Variants in MSL2 observed in about 807,000 individuals in gnomAD.
MSL2 encodes the protein MSL complex subunit 2, also known as E3 ubiquitin-protein ligase MSL2.
In MSL2, 2 loss-of-function variants were observed where a neutral mutation model predicts 35.8. The observed-to-expected ratio is 0.06, with a 90% CI of 0.02 to 0.18. The LOEUF (loss-of-function observed/expected upper bound fraction) is 0.18, where lower values mean the gene tolerates loss of function less well. MSL2 is among the 10% of genes least tolerant of loss of function. The pLI, the probability that MSL2 is intolerant of heterozygous loss-of-function variation, is 1.00. For synonymous variants in MSL2, 296 were observed against 255.7 expected, an observed-to-expected ratio of 1.16 and a Z score of -1.50; for missense variants, 523 against 706.7, an observed-to-expected ratio of 0.74 and a Z score of 2.95.
chr3:136,192,378 T>C lies in MSL2; in HGVS notation c.142+2594A>G, dbSNP rs142136043. Among the ~76,000 whole-genome samples the C allele has an allele frequency of 3.0e-3, 461 of 151,964 alleles. 3 individuals carry two copies. Among genetic ancestry groups the C allele is most frequent in the African/African-American group, 0.011 (439 of 41,456 alleles). ...ATTTTTAGTAGAGATGGGGTTTCAC[T>C]ATGTTGGCCAGGCTGGTCTCCAACT... On this transcript the variant is annotated intron_variant, in intron 1 of 1. Coordinates refer to ENST00000309993, the MANE Select transcript of MSL2 (RefSeq NM_018133.4).
At position 136,195,229 on chromosome 3, in the gene MSL2, C is replaced by T; in HGVS notation, c.-116G>A. 6.6e-7 allele frequency: 1 copy of T among 1,511,370 alleles called. No homozygotes were observed. 93.6% of individuals were successfully genotyped at this position (1,511,370 alleles called of 1,614,324 possible). On this transcript the variant is annotated 5_prime_UTR_variant, in exon 1 of 2. It introduces an in-frame stop codon into an upstream open reading frame of the 5' UTR. Coordinates refer to ENST00000309993, the MANE Select transcript of MSL2 (RefSeq NM_018133.4). ...CAATTCGGAAGAAATCAGAGCCGAA[C>T]CATTGGCCAAACAAGTAACCAAAAT...
rs1939296043 is a variant in MSL2 at position 136,149,807 on chromosome 3, T to C, written c.*1340A>G. ...CATAACTTCAGCATATGTCAGATCTTACTAGAGATGGTGAACGTAGTAGAA... is the reference window on the plus strand; with the variant it reads ...CATAACTTCAGCATATGTCAGATCTCACTAGAGATGGTGAACGTAGTAGAA... On this transcript the variant is annotated 3_prime_UTR_variant, in exon 2 of 2. Coordinates refer to ENST00000309993, the MANE Select transcript of MSL2 (RefSeq NM_018133.4). 1 of 152,246 alleles carries C rather than the reference T, an allele frequency of 6.6e-6. No individual in the cohort carries two copies. Among genetic ancestry groups the C allele is most frequent in the Admixed American group, 6.5e-5 (1 of 15,278 alleles). The allele number at this position is 152,246 out of a possible 1,614,324, so 9.4% of individuals were successfully genotyped here.
rs751436406 is a variant in MSL2 at position 136,151,217 on chromosome 3, G to T, written c.1664C>A (p.Thr555Lys). ...VINVTGSPVT[T>K]FLAASTHDDK... The stretch of plus-strand genomic sequence containing the variant: ...ATCATGTGTACTGGCAGCTAAAAAC[G>T]TCGTTACTGGGGACCCTGTGACATT... The change falls in exon 2 of 2, where the codon ACG becomes AAG. Residue 555 changes from threonine (T) to lysine (K), a missense_variant. Physicochemically the swap from Thr to Lys is moderately conservative, Grantham distance 78. Coordinates refer to ENST00000309993, the MANE Select transcript of MSL2 (RefSeq NM_018133.4). This position sits in a 1 kb window ranked among gnomAD's most constrained non-coding sequence, Gnocchi z 5.2. 4.3e-6 allele frequency: 7 copies of T among 1,614,152 alleles called. No individual in the cohort carries two copies. The highest frequency in any genetic ancestry group is 5.1e-6 in the Non-Finnish European group (6 of 1,180,002).
At position 136,151,729 on chromosome 3, in the gene MSL2, A is replaced by G. The variant is rs748647531; in HGVS notation, c.1152T>C (p.Pro384=). ...VKRESKISLQ[P]IATVPNGGTT... ...TGCCTCCATTGGGAACAGTTGCTAT[A>G]GGTTGAAGAGAAATTTTGCTCTCCC... The change falls in exon 2 of 2, where the codon CCT becomes CCC. Residue 384 remains proline, a synonymous_variant. Transcript: ENST00000309993. The surrounding 1 kb of genome is among the most constrained non-coding windows in gnomAD (Gnocchi z 5.2). The G allele has an allele frequency of 6.2e-7, 1 of 1,614,162 alleles. No individual in the cohort carries two copies. The highest frequency in any genetic ancestry group is 1.1e-5 in the South Asian group (1 of 91,082).
At chr3:136,167,943 A>AT (rs1939899089) in intron 1 of MSL2, among the ~76,000 whole-genome samples, 1 of 152,204 alleles carries the variant, frequency 6.6e-6, no homozygotes, top group African/African-American at 2.4e-5. Flanking sequence ...TTCCGCTTTT[A>AT]TTGACGAGAA....
chr3:136,186,375 C>G (rs1440264499), intron 1 of MSL2, among the ~76,000 whole-genome samples: 1 of 152,220 alleles, frequency 6.6e-6, no homozygotes, highest in Non-Finnish European at 1.5e-5. Context: ...ATATCCTCCT[C>G]TATTCTTCTA....
At chr3:136,190,620 TTTTTC>T (rs1940660176) in intron 1 of MSL2, among the ~76,000 whole-genome samples, 1 of 152,148 alleles carries the variant, frequency 6.6e-6, no homozygotes, top group African/African-American at 2.4e-5. Context: ...AAGAATAGTA[TTTTTC>T]CATTTAACAT....
intron 1 of MSL2, among the ~76,000 whole-genome samples, chr3:136,192,869 C>G (rs1940728974): frequency 6.6e-6 from 1 of 152,132 alleles, no homozygotes; most frequent in African/African-American, 2.4e-5. Context: ...ATACCTGGTA[C>G]AAAAATATGT....
At chr3:136,180,598 G>A (rs929057938) in intron 1 of MSL2, among the ~76,000 whole-genome samples, 1 of 151,552 alleles carries the variant, frequency 6.6e-6, no homozygotes, top group Non-Finnish European at 1.5e-5. Flanking sequence ...TACTCGGGAG[G>A]CTGAGGCAGG....
At chr3:136,163,841 TCTC>T (rs1022024591) in intron 1 of MSL2, among the ~76,000 whole-genome samples, 18 of 152,302 alleles carry the variant, frequency 1.2e-4, no homozygotes, top group Middle Eastern at 6.8e-3. Flanking sequence ...ACTGGGCACT[TCTC>T]CTTCCTGCCA....
intron 1 of MSL2, among the ~76,000 whole-genome samples, chr3:136,175,604 T>A (rs544580230): frequency 6.6e-6 from 1 of 152,072 alleles, no homozygotes; most frequent in African/African-American, 2.4e-5. Context: ...GGAGGATCAT[T>A]AGAGTCCAGG....
chr3:136,175,831 C>A (rs1039115442), intron 1 of MSL2, among the ~76,000 whole-genome samples: 2 of 152,130 alleles, frequency 1.3e-5, no homozygotes, highest in African/African-American at 4.8e-5. Flanking sequence ...ATTTCTCCTT[C>A]CTCCATTACA....
At chr3:136,194,662 GAAAAAA>G (rs367862548) in intron 1 of MSL2, 1 of 178,774 alleles carries the variant, frequency 5.6e-6, no homozygotes, top group Non-Finnish European at 1.0e-5. Flanking sequence ...AAAGGTTTAA[GAAAAAA>G]AAAAAAAAAG....
intron 1 of MSL2, among the ~76,000 whole-genome samples, chr3:136,162,889 C>T (rs1939748266): frequency 1.3e-5 from 2 of 151,436 alleles, no homozygotes; most frequent in Non-Finnish European, 2.9e-5. Flanking sequence ...ACACTGTTGG[C>T]GGCAGTGTTG....
chr3:136,159,358 T>G (rs1395873521), intron 1 of MSL2, among the ~76,000 whole-genome samples: 1 of 123,516 alleles, frequency 8.1e-6, no homozygotes, highest in East Asian at 2.1e-4. Context: ...TACTTTCTTT[T>G]TTTTTTTTTT....
At chr3:136,164,680 T>C (rs1939791759) in intron 1 of MSL2, among the ~76,000 whole-genome samples, 1 of 151,818 alleles carries the variant, frequency 6.6e-6, no homozygotes, top group African/African-American at 2.4e-5. Context: ...CTTGAATTTG[T>C]TGGAAAAAAA....
In MSL2 at chr3:136,192,225, T is replaced by G. The variant is rs564526103; in HGVS notation, c.142+2747A>C. 9.8e-5 allele frequency among the ~76,000 whole-genome samples: 15 copies of G among 152,304 alleles called. No homozygotes were observed. In the South Asian group the frequency reaches 2.9e-3, roughly 29 times the overall value. ...TTTCACTCTGTTGCCCAGTCTGGAG[T>G]GCAGTGGTGCGATCTCGGCTCACTG... On this transcript the variant is annotated intron_variant, in intron 1 of 1. Coordinates refer to ENST00000309993, the MANE Select transcript of MSL2 (RefSeq NM_018133.4).
chr3:136,153,877 C>G (rs148782047), intron 1 of MSL2, among the ~76,000 whole-genome samples: 1 of 151,548 alleles, frequency 6.6e-6, no homozygotes, highest in Non-Finnish European at 1.5e-5. Flanking sequence ...GAGGTCAGGA[C>G]TTTGAGACTA....
chr3:136,154,512 C>A (rs1299115785), intron 1 of MSL2, among the ~76,000 whole-genome samples: 3 of 152,014 alleles, frequency 2.0e-5, no homozygotes, highest in African/African-American at 7.3e-5. Context: ...AGCGGTACCT[C>A]TTCTCATAAA....
Sources: gnomAD v4.1 joint callset for allele counts (sites outside exome capture counted in the v4.1 genomes callset) on GRCh38, gnomAD v4.1.1 for gene constraint, Gnocchi (gnomAD v3.1) non-coding constraint, MANE v1.5 for transcripts, NCBI Gene and HGNC (gene_info 2026-07-23, HGNC 2026-07-21) for gene names.